Variants in PTPRG observed in about 807,000 individuals in gnomAD.
PTPRG encodes receptor-type tyrosine-protein phosphatase gamma.
A neutral mutation model predicts 165.3 loss-of-function variants in PTPRG; 102 were observed. That is an observed-to-expected ratio of 0.62 (90% confidence interval 0.53 to 0.73). The LOEUF (loss-of-function observed/expected upper bound fraction) is 0.73. PTPRG is among the 30% of genes least tolerant of loss of function. The pLI is 0.00. For synonymous variants in PTPRG, 675 were observed against 669.5 expected (o/e 1.01, Z -0.13); for missense variants, 1,866 against 1,861.4 (o/e 1.00, Z -0.05).
chr3:62,204,799 C>G (rs905545234), intron 12 of PTPRG, among the ~76,000 whole-genome samples: 11 of 152,158 alleles, frequency 7.2e-5, no homozygotes, highest in African/African-American at 2.2e-4. Flanking sequence ...GCATGAGATC[C>G]TCATCTCCTG....
At chr3:62,209,163 G>A (rs1370246039) in intron 12 of PTPRG, among the ~76,000 whole-genome samples, 1 of 152,198 alleles carries the variant, frequency 6.6e-6, no homozygotes, top group Non-Finnish European at 1.5e-5. Flanking sequence ...TCAACCAGAG[G>A]GAATTCTGTC....
intron 2 of PTPRG, among the ~76,000 whole-genome samples, chr3:61,884,398 G>T (rs898857730): frequency 1.3e-5 from 2 of 152,154 alleles, no homozygotes; most frequent in African/African-American, 4.8e-5. Context: ...AGTCTGGTGG[G>T]GAAGATAGCA....
chr3:62,164,487 G>A (rs543132005), intron 7 of PTPRG, among the ~76,000 whole-genome samples: 2 of 152,236 alleles, frequency 1.3e-5, no homozygotes. Flanking sequence ...ACCCACAGAA[G>A]GACATTTGAT....
chr3:62,285,887 GATAC>G (rs1559763947), intron 28 of PTPRG, among the ~76,000 whole-genome samples: 1 of 152,116 alleles, frequency 6.6e-6, no homozygotes, highest in African/African-American at 2.4e-5. Context: ...TCACTCTGGA[GATAC>G]ATGTATCACC....
intron 1 of PTPRG, among the ~76,000 whole-genome samples, chr3:61,650,868 G>A (rs773183271): frequency 1.6e-4 from 25 of 152,006 alleles, no homozygotes; most frequent in African/African-American, 5.8e-4. Context: ...TGCTTTTCTT[G>A]TTTACTTTAT....
intron 7 of PTPRG, among the ~76,000 whole-genome samples, chr3:62,166,876 G>T (rs373323841): frequency 2.6e-5 from 4 of 151,956 alleles, no homozygotes; most frequent in Non-Finnish European, 5.9e-5. Context: ...TTTTATATAG[G>T]CAGGGTCTCG....
At chr3:62,209,043 A>C (rs1390356087) in intron 12 of PTPRG, among the ~76,000 whole-genome samples, 1 of 152,228 alleles carries the variant, frequency 6.6e-6, no homozygotes, top group Non-Finnish European at 1.5e-5. Flanking sequence ...CTTTGGCGCC[A>C]GTTCCCAGAA....
chr3:61,981,727 G>A (rs565846516), intron 2 of PTPRG, among the ~76,000 whole-genome samples: 82 of 152,258 alleles, frequency 5.4e-4, no homozygotes, highest in African/African-American at 1.7e-3. Flanking sequence ...GACGTGCTCC[G>A]ATTGAATTTA....
Position 62,058,817 on chromosome 3 carries a change from GC to G in PTPRG, c.520-19342del, listed in dbSNP as rs1212808903. 2.6e-5 allele frequency among the ~76,000 whole-genome samples: 4 copies of G among 152,142 alleles called. No individual in the cohort carries two copies. The South Asian group carries it at 6.2e-4, about 24-fold the overall frequency. ...TAGGTCCAAGAAGAAAGAAAACAGA[GC>G]CCCAGTGATCTGAACCCACTGAAGT... On this transcript the variant is annotated intron_variant, in intron 4 of 29. Coordinates refer to ENST00000474889, the MANE Select transcript of PTPRG (RefSeq NM_002841.4).
intron 2 of PTPRG, among the ~76,000 whole-genome samples, chr3:61,787,932 T>C (rs1294778998): frequency 2.0e-5 from 3 of 152,164 alleles, no homozygotes; most frequent in Non-Finnish European, 4.4e-5. Context: ...TCCAGTGGTG[T>C]CTTTTTTTCT....
chr3:61,773,503 G>A (rs973208845), intron 2 of PTPRG, among the ~76,000 whole-genome samples: 4 of 152,152 alleles, frequency 2.6e-5, no homozygotes, highest in Non-Finnish European at 4.4e-5. Context: ...TTTGGGATTG[G>A]ACATGGTTAT....
chr3:61,933,999 C>T (rs982646368), intron 2 of PTPRG, among the ~76,000 whole-genome samples: 4 of 152,186 alleles, frequency 2.6e-5, no homozygotes, highest in African/African-American at 9.7e-5. Context: ...GCTTTCGCTC[C>T]TGCACCTGTG....
chr3:61,744,557 T>TTA (rs1392257257), intron 1 of PTPRG, among the ~76,000 whole-genome samples: 1 of 152,202 alleles, frequency 6.6e-6, no homozygotes, highest in East Asian at 1.9e-4. Flanking sequence ...AAATACTTTA[T>TTA]TATAATCTCA....
chr3:62,118,151 T>C (rs542117742), intron 5 of PTPRG: 2 of 152,342 alleles, frequency 1.3e-5, no homozygotes, highest in Non-Finnish European at 2.9e-5. Context: ...AATTTGTTTG[T>C]GTAAAACTGG....
rs1407319290 is a variant in PTPRG, at chr3:62,210,583, CCTTGAAAAACAGT to C, written c.2155+6640_2155+6652del. 6.6e-6 allele frequency among the ~76,000 whole-genome samples: 1 copy of C among 151,918 alleles called. No individual in the cohort carries two copies. Among genetic ancestry groups the C allele is most frequent in the African/African-American group, 2.4e-5 (1 of 41,360 alleles). On this transcript the variant is annotated intron_variant, in intron 12 of 29. Transcript: ENST00000474889. The surrounding 1 kb of genome is among the most constrained non-coding windows in gnomAD (Gnocchi z 4.1). Reference sequence around the variant, plus strand: ...TTCTACTTCTGGGTATACACTTGACCCTTGAAAAACAGTCTTGAACTGCTTATATCCACTTATA... The same window carrying C: ...TTCTACTTCTGGGTATACACTTGACCCTTGAACTGCTTATATCCACTTATA...
intron 2 of PTPRG, among the ~76,000 whole-genome samples, chr3:61,802,463 T>G (rs2035278706): frequency 6.6e-6 from 1 of 152,204 alleles, no homozygotes; most frequent in Admixed American, 6.5e-5. Flanking sequence ...TGTTTAACAT[T>G]AATACAATGT....
At chr3:61,952,104 G>A (rs895513875) in intron 2 of PTPRG, among the ~76,000 whole-genome samples, 29 of 121,274 alleles carry the variant, frequency 2.4e-4, no homozygotes, top group African/African-American at 9.4e-4. Context: ...GCGACAGATC[G>A]ACACTCCACC....
chr3:62,132,719 C>T (rs748800005), intron 6 of PTPRG, 51 bp downstream of exon 6: 4 of 1,461,180 alleles, frequency 2.7e-6, no homozygotes, highest in Non-Finnish European at 3.8e-6. Flanking sequence ...GGGCTCAGAT[C>T]TCTACCTAAA....
At chr3:62,169,289 A>G (rs1198459209) in intron 8 of PTPRG, among the ~76,000 whole-genome samples, 1 of 151,958 alleles carries the variant, frequency 6.6e-6, no homozygotes, top group Non-Finnish European at 1.5e-5. Context: ...GGACCTTTGA[A>G]TTGCTCCCAA....
Sources: gnomAD v4.1 joint callset for allele counts (sites outside exome capture counted in the v4.1 genomes callset) on GRCh38, gnomAD v4.1.1 for gene constraint, Gnocchi (gnomAD v3.1) non-coding constraint, MANE v1.5 for transcripts, NCBI Gene and HGNC (gene_info 2026-07-23, HGNC 2026-07-21) for gene names.